CSNK1G1: variants seen among roughly 807,000 people sequenced by gnomAD.
CSNK1G1 encodes casein kinase I isoform gamma-1.
In CSNK1G1, 22 loss-of-function variants were observed where a neutral mutation model predicts 59.6. The observed-to-expected ratio is 0.37, with a 90% CI of 0.26 to 0.53. CSNK1G1 has a LOEUF of 0.53. Among genes scored for constraint, CSNK1G1 ranks in the 20% least tolerant of loss-of-function variants. CSNK1G1 has a pLI of 0.89. For missense variants in CSNK1G1, 384 were observed against 519.5 expected, an observed-to-expected ratio of 0.74 and a Z score of 2.54; for synonymous variants, 179 against 177.1, an observed-to-expected ratio of 1.01 and a Z score of -0.08.
chr15:64,249,758 T>G (rs886681073), intron 4 of CSNK1G1, among the ~76,000 whole-genome samples: 4 of 152,222 alleles, frequency 2.6e-5, no homozygotes, highest in African/African-American at 9.6e-5. Context: ...CAGAGAATGC[T>G]GAAACTTCAA....
intron 1 of CSNK1G1, among the ~76,000 whole-genome samples, chr15:64,321,057 T>C (rs1053164025): frequency 6.6e-6 from 1 of 152,136 alleles, no homozygotes; most frequent in Non-Finnish European, 1.5e-5. Context: ...ATGCTCTCTA[T>C]AGAGAAATTC....
chr15:64,246,909 C>A (rs1037610862), intron 4 of CSNK1G1, among the ~76,000 whole-genome samples: 3 of 152,152 alleles, frequency 2.0e-5, no homozygotes, highest in African/African-American at 7.2e-5. Context: ...CCCTCCCTCC[C>A]TTTTTCCTCC....
intron 1 of CSNK1G1, among the ~76,000 whole-genome samples, chr15:64,303,069 A>G (rs916538691): frequency 2.6e-5 from 4 of 152,000 alleles, no homozygotes; most frequent in African/African-American, 9.7e-5. Context: ...TTGTCAGGTT[A>G]AAAACCCATA....
chr15:64,260,250 A>G (rs1298995782), intron 2 of CSNK1G1, among the ~76,000 whole-genome samples: 1 of 152,198 alleles, frequency 6.6e-6, no homozygotes, highest in Non-Finnish European at 1.5e-5. Flanking sequence ...CATGTTCAGC[A>G]CATATAAAAC....
At chr15:64,338,678 C>A (rs1897515978) in intron 1 of CSNK1G1, among the ~76,000 whole-genome samples, 1 of 92,776 alleles carries the variant, frequency 1.1e-5, no homozygotes, top group Non-Finnish European at 1.9e-5. Flanking sequence ...CCAGCCTGGG[C>A]AACAAGAGTG....
At chr15:64,244,395 CG>C (rs572310127) in intron 4 of CSNK1G1, among the ~76,000 whole-genome samples, 6 of 148,308 alleles carry the variant, frequency 4.0e-5, no homozygotes, top group African/African-American at 1.2e-4. Context: ...GAGTGTGGGC[CG>C]GGGGGAGACA....
At chr15:64,240,297 G>A (rs1384060405) in intron 4 of CSNK1G1, among the ~76,000 whole-genome samples, 1 of 152,058 alleles carries the variant, frequency 6.6e-6, no homozygotes, top group Non-Finnish European at 1.5e-5. Flanking sequence ...CAAGACTTAT[G>A]GGACACCATT....
intron 11 of CSNK1G1, among the ~76,000 whole-genome samples, chr15:64,173,224 C>T (rs1311945883): frequency 2.0e-5 from 3 of 152,184 alleles, no homozygotes; most frequent in Non-Finnish European, 2.9e-5. Flanking sequence ...AGCCAAGATT[C>T]CCTCTCTTTT....
At chr15:64,289,510 A>G (rs1894618832) in intron 2 of CSNK1G1, among the ~76,000 whole-genome samples, 1 of 152,202 alleles carries the variant, frequency 6.6e-6, no homozygotes, top group South Asian at 2.1e-4. Context: ...ACTACTACAA[A>G]CAAGAATCTC....
chr15:64,348,175 G>A (rs1013178103), intron 1 of CSNK1G1, among the ~76,000 whole-genome samples: 1 of 152,168 alleles, frequency 6.6e-6, no homozygotes, highest in Admixed American at 6.5e-5. Context: ...GGCAGGAGAG[G>A]AGGGATGTGA....
chr15:64,197,431 T>A (rs2082052205), intron 10 of CSNK1G1, among the ~76,000 whole-genome samples: 1 of 152,150 alleles, frequency 6.6e-6, no homozygotes. Flanking sequence ...AAATTCAAAT[T>A]CCAAACAAGT....
Position 64,300,304 on chromosome 15 carries a change from T to C in CSNK1G1, c.181+15A>G, listed in dbSNP as rs761441039. On this transcript the variant is annotated intron_variant, in intron 2 of 11. Transcript: ENST00000303052. ...TTGTTGTTAGTAGAAGTCACTGACA[T>C]AACCAAGTGCTTACCTAATCTGAGC... is the stretch of plus-strand genomic sequence containing the variant. 6.2e-7 allele frequency: 1 copy of C among 1,612,564 alleles called. No homozygotes were observed. Among genetic ancestry groups the C allele is most frequent in the Admixed American group, 1.7e-5 (1 of 59,938 alleles).
At chr15:64,335,399 A>G (rs971813166) in intron 1 of CSNK1G1, among the ~76,000 whole-genome samples, 1 of 152,122 alleles carries the variant, frequency 6.6e-6, no homozygotes, top group Non-Finnish European at 1.5e-5. Flanking sequence ...TTTTTCTTTC[A>G]ATTGTTATAC....
chr15:64,206,691 A>G (rs2082187068), intron 7 of CSNK1G1, among the ~76,000 whole-genome samples: 1 of 152,190 alleles, frequency 6.6e-6, no homozygotes, highest in South Asian at 2.1e-4. Context: ...CCAAAGGCAC[A>G]GAGTAATGAT....
At chr15:64,313,133 T>A (rs1183150493) in intron 1 of CSNK1G1, among the ~76,000 whole-genome samples, 3 of 152,176 alleles carry the variant, frequency 2.0e-5, no homozygotes, top group Non-Finnish European at 4.4e-5. Flanking sequence ...GAAATAGGAA[T>A]GCTTTTACAC....
At chr15:64,207,762 T>C (rs925751603) in intron 6 of CSNK1G1, among the ~76,000 whole-genome samples, 168 bp from the exon 7 acceptor site, 2 of 152,188 alleles carry the variant, frequency 1.3e-5, no homozygotes, top group Non-Finnish European at 2.9e-5. Flanking sequence ...CCTAAACCGA[T>C]GTGTACTTCC....
intron 2 of CSNK1G1, among the ~76,000 whole-genome samples, chr15:64,261,069 T>C (rs1039956191): frequency 2.0e-5 from 3 of 152,198 alleles, no homozygotes; most frequent in Admixed American, 6.5e-5. Flanking sequence ...TAAAGGTTAC[T>C]TTATGTTTCT....
At chr15:64,284,747 AT>A (rs903117305) in intron 2 of CSNK1G1, among the ~76,000 whole-genome samples, 1 of 152,056 alleles carries the variant, frequency 6.6e-6, no homozygotes, top group Non-Finnish European at 1.5e-5. Context: ...TGGCTAAGAT[AT>A]TTTTAATTTT....
At chr15:64,284,789 C>T (rs1894322490) in intron 2 of CSNK1G1, among the ~76,000 whole-genome samples, 1 of 151,986 alleles carries the variant, frequency 6.6e-6, no homozygotes. Flanking sequence ...TCCTAGTCCT[C>T]AGCCTTGTTC....
Sources: allele counts gnomAD v4.1 joint callset (sites outside exome capture counted in the v4.1 genomes callset), GRCh38; gene constraint gnomAD v4.1.1; transcripts MANE v1.5; gene names NCBI Gene and HGNC (gene_info 2026-07-23, HGNC 2026-07-21).